LRGUK: variants seen among roughly 807,000 people sequenced by gnomAD.
LRGUK encodes the protein leucine rich repeats and guanylate kinase domain containing.
In LRGUK, 65 loss-of-function variants were observed where a neutral mutation model predicts 76.0. The ratio of observed to expected loss-of-function variants is 0.85; its 90% CI spans 0.70 to 1.05. The LOEUF is 1.05. Among genes scored for constraint, LRGUK ranks in the 50% least tolerant of loss-of-function variants. The pLI is 0.00. For synonymous variants in LRGUK, 268 were observed against 265.6 expected (o/e 1.01, Z -0.09); for missense variants, 758 against 732.8 (o/e 1.03, Z -0.40).
rs531278652 is a variant in LRGUK, at chr7:134,262,690, A to C, written c.2348-1155A>C. ...AAAAACCAGCAAACAAGGAAGGGCC[A>C]GACTCAGTGGCTCATGCCTGTAATC... On this transcript the variant is annotated intron_variant, in intron 19 of 19. Coordinates refer to the LRGUK transcript ENST00000285928. Among the ~76,000 whole-genome samples, 5 of 151,956 alleles carry C rather than the reference A, an allele frequency of 3.3e-5. No homozygotes were observed. The East Asian group carries it at 9.8e-4, about 30-fold the overall frequency.
At chr7:134,238,165 A>G (rs981225934) in intron 16 of LRGUK, among the ~76,000 whole-genome samples, 2 of 152,208 alleles carry the variant, frequency 1.3e-5, no homozygotes, top group Non-Finnish European at 2.9e-5. Flanking sequence ...TCATTAGACC[A>G]TAGGTCAACA....
At chr7:134,181,907 A>G (rs1426598465) in intron 10 of LRGUK, among the ~76,000 whole-genome samples, 1 of 152,134 alleles carries the variant, frequency 6.6e-6, no homozygotes, top group African/African-American at 2.4e-5. Flanking sequence ...ATTTTATCAC[A>G]TGTAGATTCA....
intron 4 of LRGUK, among the ~76,000 whole-genome samples, chr7:134,145,598 T>C (rs1370074898): frequency 1.3e-5 from 2 of 152,142 alleles, no homozygotes; most frequent in Non-Finnish European, 2.9e-5. Context: ...TGTGGGGCTG[T>C]CCTGATATTG....
chr7:134,228,475 C>T (rs2117169014), intron 16 of LRGUK, among the ~76,000 whole-genome samples: 1 of 151,660 alleles, frequency 6.6e-6, no homozygotes, highest in South Asian at 2.1e-4. Context: ...GAGTTGCTGA[C>T]TATATAAAAC....
At chr7:134,179,385 C>T (rs892892984) in intron 10 of LRGUK, among the ~76,000 whole-genome samples, 1 of 152,112 alleles carries the variant, frequency 6.6e-6, no homozygotes, top group African/African-American at 2.4e-5. Flanking sequence ...ATATAAATGG[C>T]TTCTCTTCTT....
chr7:134,201,545 G>A (rs779331064), exon 15 of LRGUK: 6 of 1,613,790 alleles, frequency 3.7e-6, no homozygotes, highest in Non-Finnish European at 5.1e-6. Flanking sequence ...GATTGACTGA[G>A]GAACCTGCCA....
At chr7:134,232,829 C>T (rs1801934450) in intron 16 of LRGUK, among the ~76,000 whole-genome samples, 1 of 151,976 alleles carries the variant, frequency 6.6e-6, no homozygotes, top group South Asian at 2.1e-4. Context: ...TCATTCCTTG[C>T]TTATACAATT....
intron 11 of LRGUK, among the ~76,000 whole-genome samples, chr7:134,189,182 A>T (rs892738728): frequency 6.6e-6 from 1 of 152,184 alleles, no homozygotes; most frequent in Non-Finnish European, 1.5e-5. Context: ...AATCACAGGG[A>T]TTGTGGTTCC....
intron 16 of LRGUK, among the ~76,000 whole-genome samples, chr7:134,231,129 C>T (rs1373369213): frequency 6.6e-6 from 1 of 152,292 alleles, no homozygotes; most frequent in African/African-American, 2.4e-5. Flanking sequence ...CCAAATCACC[C>T]AGAGTCCAAC....
intron 16 of LRGUK, among the ~76,000 whole-genome samples, chr7:134,246,914 A>G (rs1802316434): frequency 6.6e-6 from 1 of 152,222 alleles, no homozygotes; most frequent in South Asian, 2.1e-4. Flanking sequence ...ATACTCCATC[A>G]GGTGATCTGT....
At chr7:134,207,830 C>A (rs970013199) in intron 15 of LRGUK, among the ~76,000 whole-genome samples, 3 of 152,144 alleles carry the variant, frequency 2.0e-5, no homozygotes. Context: ...CAGAGCTATG[C>A]CCTTAGGACT....
intron 16 of LRGUK, among the ~76,000 whole-genome samples, chr7:134,223,807 A>T (rs2117159125): frequency 6.6e-6 from 1 of 152,244 alleles, no homozygotes; most frequent in East Asian, 1.9e-4. Context: ...TCTTTTGTAG[A>T]GACAGGGTCT....
intron 16 of LRGUK, among the ~76,000 whole-genome samples, chr7:134,245,192 A>C (rs1802269934): frequency 6.6e-6 from 1 of 152,150 alleles, no homozygotes; most frequent in Non-Finnish European, 1.5e-5. Flanking sequence ...TAATAATAAA[A>C]ACAAACAAAA....
chr7:134,264,044 T>G, exon 20 of LRGUK: 2 of 1,486,146 alleles, frequency 1.3e-6, no homozygotes, highest in Non-Finnish European at 9.0e-7. Context: ...TTGCCTTACC[T>G]GGCCATGGGT....
At chr7:134,223,058 G>A (rs1055385266) in intron 16 of LRGUK, among the ~76,000 whole-genome samples, 4 of 152,174 alleles carry the variant, frequency 2.6e-5, no homozygotes, top group African/African-American at 9.7e-5. Context: ...CTCTTACTGA[G>A]TCACAATAGT....
At chr7:134,196,121 C>T (rs1800475326) in intron 12 of LRGUK, among the ~76,000 whole-genome samples, 1 of 152,158 alleles carries the variant, frequency 6.6e-6, no homozygotes, top group Non-Finnish European at 1.5e-5. Flanking sequence ...GTTTTCACTT[C>T]ATTGTTTATT....
At chr7:134,254,406 A>G (rs1333808793) in intron 18 of LRGUK, among the ~76,000 whole-genome samples, 2 of 152,178 alleles carry the variant, frequency 1.3e-5, no homozygotes, top group Non-Finnish European at 2.9e-5. Context: ...GCTGATAGAC[A>G]ACACACATTT....
intron 7 of LRGUK, among the ~76,000 whole-genome samples, chr7:134,170,352 A>C (rs1006142167): frequency 6.6e-6 from 1 of 152,106 alleles, no homozygotes; most frequent in African/African-American, 2.4e-5. Flanking sequence ...GTGTTCACCT[A>C]AACTTTTTTC....
downstream of LRGUK, among the ~76,000 whole-genome samples, chr7:134,211,108 G>A (rs1371656504): frequency 6.6e-6 from 1 of 152,238 alleles, no homozygotes; most frequent in Non-Finnish European, 1.5e-5. Context: ...TGGAGGGGCT[G>A]TTCAGCACTG....
Sources: allele counts gnomAD v4.1 joint callset (sites outside exome capture counted in the v4.1 genomes callset), GRCh38; gene constraint gnomAD v4.1.1; transcripts MANE v1.5; gene names NCBI Gene and HGNC (gene_info 2026-07-23, HGNC 2026-07-21).